The following HIVEP3 variants were observed in gnomAD, a reference collection of about 807,000 sequenced individuals.
HIVEP3 encodes the protein transcription factor HIVEP3.
HIVEP3 carries 49 observed loss-of-function variants against 152.8 expected under a neutral mutation model. The ratio of observed to expected loss-of-function variants is 0.32; its 90% CI spans 0.26 to 0.41. The LOEUF is 0.41. HIVEP3 is among the 10% of genes least tolerant of loss of function. HIVEP3 has a pLI of 1.00. For missense variants in HIVEP3, 2,790 were observed against 3,103.3 expected, an observed-to-expected ratio of 0.90 and a Z score of 2.40; for synonymous variants, 1,269 against 1,289.0, an observed-to-expected ratio of 0.98 and a Z score of 0.33.
At chr1:41,624,759 C>T (rs940152447) in intron 3 of HIVEP3, among the ~76,000 whole-genome samples, 5 of 152,174 alleles carry the variant, frequency 3.3e-5, no homozygotes, top group Non-Finnish European at 2.9e-5. Flanking sequence ...AACCAGAATT[C>T]CCTTCTACTC....
intron 3 of HIVEP3, among the ~76,000 whole-genome samples, chr1:41,619,649 G>A (rs1645018406): frequency 6.6e-6 from 1 of 152,166 alleles, no homozygotes; most frequent in African/African-American, 2.4e-5. Context: ...GACTGGTATG[G>A]GTGTTAGGAG....
At chr1:41,611,003 C>T (rs1644889152) in intron 3 of HIVEP3, among the ~76,000 whole-genome samples, 1 of 152,120 alleles carries the variant, frequency 6.6e-6, no homozygotes, top group African/African-American at 2.4e-5. Context: ...TTCATACAGG[C>T]TTTCTTCCAT....
intron 2 of HIVEP3, among the ~76,000 whole-genome samples, chr1:41,654,305 G>T (rs760585835): frequency 8.6e-5 from 13 of 151,250 alleles, no homozygotes; most frequent in Non-Finnish European, 1.6e-4. Flanking sequence ...ACAGGCACTG[G>T]TTTATAATTT....
At chr1:41,985,280 A>G (rs1645315690) in intron 1 of HIVEP3, among the ~76,000 whole-genome samples, 1 of 152,222 alleles carries the variant, frequency 6.6e-6, no homozygotes, top group Non-Finnish European at 1.5e-5. Flanking sequence ...AGAATTTTCC[A>G]GGCCATAGTA....
At chr1:41,523,807 G>C (rs1642827384) in intron 6 of HIVEP3, among the ~76,000 whole-genome samples, 2 of 152,214 alleles carry the variant, frequency 1.3e-5, no homozygotes, top group Non-Finnish European at 2.9e-5. Flanking sequence ...GGAGAAGACA[G>C]GACCCTGATG....
intron 5 of HIVEP3, among the ~76,000 whole-genome samples, chr1:41,565,031 T>C (rs1461512353): frequency 1.3e-5 from 2 of 152,164 alleles, no homozygotes; most frequent in Non-Finnish European, 2.9e-5. Context: ...ACATCTCCAA[T>C]GTCTTGAGGG....
Position 42,025,559 on chromosome 1 carries a change from C to T in HIVEP3, n.119+10248G>A, listed in dbSNP as rs913521662. 5.3e-5 allele frequency among the ~76,000 whole-genome samples: 8 copies of T among 152,262 alleles called. No homozygotes were observed. The South Asian group carries it at 1.0e-3, about 20-fold the overall frequency. On this transcript the variant is annotated intron_variant and non_coding_transcript_variant, in intron 1 of 3. Transcript: ENST00000489103. ...TTGTTTCTCGCATCACATTTTGTTT[C>T]CCTGTACGCTTTGTTATTTCTGACT...
chr1:41,891,254 G>C (rs1221404089), intron 1 of HIVEP3, among the ~76,000 whole-genome samples: 3 of 152,162 alleles, frequency 2.0e-5, no homozygotes, highest in Non-Finnish European at 4.4e-5. Flanking sequence ...AAAAAACAGG[G>C]AAACAGCAGG....
At chr1:41,909,770 G>A (rs1644768237) in intron 1 of HIVEP3, among the ~76,000 whole-genome samples, 1 of 152,026 alleles carries the variant, frequency 6.6e-6, no homozygotes, top group Non-Finnish European at 1.5e-5. Flanking sequence ...TGACAACCAT[G>A]AGGCAATTAA....
intron 3 of HIVEP3, among the ~76,000 whole-genome samples, chr1:41,589,682 C>A (rs1450516059): frequency 6.6e-6 from 1 of 152,168 alleles, no homozygotes; most frequent in African/African-American, 2.4e-5. Context: ...GACTGAGGAG[C>A]TGGGGTCCCC....
At chr1:41,828,407 G>A (rs1199065412) in intron 1 of HIVEP3, among the ~76,000 whole-genome samples, 3 of 152,164 alleles carry the variant, frequency 2.0e-5, no homozygotes, top group Admixed American at 6.5e-5. Flanking sequence ...TTTGGGAACC[G>A]TCCAAATGGC....
At chr1:41,697,813 C>A (rs1411472185) in intron 2 of HIVEP3, among the ~76,000 whole-genome samples, 1 of 152,180 alleles carries the variant, frequency 6.6e-6, no homozygotes, top group African/African-American at 2.4e-5. Flanking sequence ...TTGGTGAACA[C>A]ATTTTAATTG....
intron 1 of HIVEP3, among the ~76,000 whole-genome samples, chr1:41,994,889 C>A (rs77810099): frequency 0.024 from 3,589 of 151,152 alleles, 130 homozygotes; most frequent in African/African-American, 0.08. Context: ...CGAGAGGCTC[C>A]AGAAACTAAA....
chr1:41,893,456 G>A (rs375340877), intron 1 of HIVEP3, among the ~76,000 whole-genome samples: 34 of 152,238 alleles, frequency 2.2e-4, no homozygotes, highest in African/African-American at 7.7e-4. Flanking sequence ...TGGGGGTCAG[G>A]GGGTTGCTAT....
rs78322959 is a variant in HIVEP3 at position 41,796,942 on chromosome 1, C to T, written c.-800-95947G>A. Among the ~76,000 whole-genome samples the T allele has an allele frequency of 7.7e-3, 1,172 of 152,302 alleles. 9 individuals are homozygous for T. Among genetic ancestry groups the T allele is most frequent in the African/African-American group, 0.027 (1,116 of 41,570 alleles). ...CTAGTTTCTGTCCTTTCTTTTCTCT[C>T]TCCTGCTGATCCAGAAGCTACATTG... is the stretch of plus-strand genomic sequence containing the variant. On this transcript the variant is annotated intron_variant, in intron 1 of 8. Coordinates refer to ENST00000372583, the MANE Select transcript of HIVEP3 (RefSeq NM_024503.5).
At chr1:41,863,536 G>A (rs142710975) in intron 1 of HIVEP3, among the ~76,000 whole-genome samples, 366 of 152,318 alleles carry the variant, frequency 2.4e-3, no homozygotes, top group Admixed American at 7.4e-3. Context: ...AGAAAGGAAG[G>A]TCTTCCCAAA....
intron 5 of HIVEP3, among the ~76,000 whole-genome samples, chr1:41,565,555 C>CACACAG (rs1358275474): frequency 4.0e-5 from 6 of 149,112 alleles, no homozygotes; most frequent in Admixed American, 1.3e-4. Flanking sequence ...CACACACACA[C>CACACAG]AGAGAGAGAG....
At chr1:41,593,032 C>G (rs1442476817) in intron 3 of HIVEP3, among the ~76,000 whole-genome samples, 1 of 152,180 alleles carries the variant, frequency 6.6e-6, no homozygotes, top group Non-Finnish European at 1.5e-5. Flanking sequence ...CTGTCCCCTG[C>G]CTCTCCTTTG....
intron 2 of HIVEP3, among the ~76,000 whole-genome samples, chr1:41,636,188 A>G (rs991563303): frequency 3.9e-5 from 6 of 152,230 alleles, no homozygotes; most frequent in African/African-American, 1.4e-4. Flanking sequence ...CGCAGGTAAA[A>G]CAAACCACAT....
Sources: gnomAD v4.1 joint callset for allele counts (sites outside exome capture counted in the v4.1 genomes callset) on GRCh38, gnomAD v4.1.1 for gene constraint, MANE v1.5 for transcripts, NCBI Gene and HGNC (gene_info 2026-07-23, HGNC 2026-07-21) for gene names.